Variants in SUMF1 observed in about 807,000 individuals in gnomAD.
SUMF1 encodes sulfatase modifying factor 1.
A neutral mutation model predicts 47.6 loss-of-function variants in SUMF1; 48 were observed. That is an observed-to-expected ratio of 1.01 (90% CI 0.80 to 1.28). The LOEUF (loss-of-function observed/expected upper bound fraction) is 1.28. SUMF1 is among the 50% of genes most tolerant of loss of function. The probability of loss-of-function intolerance (pLI) is 0.00; values close to 1 mark genes in which losing one functional copy is unlikely to be tolerated. For synonymous variants in SUMF1, 230 were observed against 192.1 expected (o/e 1.20, Z -1.63); for missense variants, 571 against 485.4 (o/e 1.18, Z -1.66).
intron 7 of SUMF1, among the ~76,000 whole-genome samples, chr3:4,404,109 C>T (rs550449502): frequency 7.2e-5 from 11 of 152,266 alleles, no homozygotes; most frequent in Non-Finnish European, 1.3e-4. Context: ...AATATCTGAA[C>T]CATACATTTG....
At chr3:4,196,824 C>A (rs956536618) in intron 8 of SUMF1, among the ~76,000 whole-genome samples, 1 of 152,124 alleles carries the variant, frequency 6.6e-6, no homozygotes, top group African/African-American at 2.4e-5. Flanking sequence ...TACTAGGGAA[C>A]CAGTGCCACT....
At chr3:4,115,882 G>T (rs917567836) in intron 8 of SUMF1, among the ~76,000 whole-genome samples, 6 of 151,938 alleles carry the variant, frequency 3.9e-5, no homozygotes, top group Non-Finnish European at 5.9e-5. Flanking sequence ...CTGCCATTTG[G>T]GCTGGCAGAT....
chr3:4,423,279 T>TACATACACACACAC (rs57526958), intron 3 of SUMF1, among the ~76,000 whole-genome samples: 33 of 147,224 alleles, frequency 2.2e-4, no homozygotes, highest in Middle Eastern at 3.5e-3. Context: ...GAAACTGTGA[T>TACATACACACACAC]ACACACACAC....
chr3:4,128,760 G>T (rs569385841), intron 8 of SUMF1, among the ~76,000 whole-genome samples: 1 of 152,230 alleles, frequency 6.6e-6, no homozygotes, highest in South Asian at 2.1e-4. Context: ...TGGAGAACGG[G>T]CATGGGAATG....
intron 8 of SUMF1, among the ~76,000 whole-genome samples, chr3:4,367,175 G>C (rs543307487): frequency 6.1e-4 from 93 of 152,302 alleles, no homozygotes; most frequent in Non-Finnish European, 1.2e-3. Context: ...AGGGGTCAGG[G>C]ACCCACTTGA....
At chr3:4,063,270 C>T (rs1695303443) in intron 9 of SUMF1, among the ~76,000 whole-genome samples, 1 of 152,086 alleles carries the variant, frequency 6.6e-6, no homozygotes. Context: ...ACCCAGACCA[C>T]TATAACTGAA....
intron 6 of SUMF1, among the ~76,000 whole-genome samples, chr3:4,411,666 C>A (rs1701545363): frequency 7.4e-6 from 1 of 134,830 alleles, no homozygotes; most frequent in Non-Finnish European, 1.6e-5. Flanking sequence ...AACACAGGAC[C>A]AAAGTGCAGA....
chr3:4,094,088 A>G (rs992187296), intron 8 of SUMF1, among the ~76,000 whole-genome samples: 5 of 152,134 alleles, frequency 3.3e-5, no homozygotes, highest in African/African-American at 9.7e-5. Flanking sequence ...TAAGAAAGAC[A>G]ATCAAAGTTG....
chr3:4,362,378 T>C (rs1169015281), intron 8 of SUMF1, 124 bp from the exon 9 acceptor site: 1 of 770,820 alleles, frequency 1.3e-6, no homozygotes, highest in Non-Finnish European at 2.3e-6. Flanking sequence ...GTATGGATAC[T>C]TAACATGTAT....
chr3:4,144,348 G>A (rs1694146365), intron 8 of SUMF1, among the ~76,000 whole-genome samples: 1 of 152,114 alleles, frequency 6.6e-6, no homozygotes, highest in Non-Finnish European at 1.5e-5. Context: ...AGAGGTGATA[G>A]AAATGTATGA....
chr3:4,172,007 T>A (rs932563912), intron 8 of SUMF1, among the ~76,000 whole-genome samples: 1 of 152,080 alleles, frequency 6.6e-6, no homozygotes, highest in African/African-American at 2.4e-5. Context: ...AAAGATCACA[T>A]TGAAGGCAAT....
chr3:4,065,054 C>A (rs1172681464), intron 9 of SUMF1, among the ~76,000 whole-genome samples: 1 of 152,152 alleles, frequency 6.6e-6, no homozygotes, highest in Admixed American at 6.5e-5. Flanking sequence ...GGCAAGTCCT[C>A]CTAGTAACTC....
chr3:4,245,220 C>A (rs1488958796), intron 8 of SUMF1, among the ~76,000 whole-genome samples: 3 of 151,548 alleles, frequency 2.0e-5, no homozygotes, highest in African/African-American at 7.3e-5. Flanking sequence ...TTATTACTGA[C>A]TTTCTGAAGC....
chr3:4,145,598 T>C (rs904859537), intron 8 of SUMF1, among the ~76,000 whole-genome samples: 6 of 152,152 alleles, frequency 3.9e-5, no homozygotes, highest in African/African-American at 1.4e-4. Context: ...CTGTGCATAA[T>C]GCAGGGTTGA....
chr3:4,278,127 A>G (rs1181797915), intron 8 of SUMF1, among the ~76,000 whole-genome samples: 1 of 152,060 alleles, frequency 6.6e-6, no homozygotes, highest in East Asian at 1.9e-4. Flanking sequence ...TATTTTCTTA[A>G]TATTTCAATA....
chr3:4,085,723 T>C (rs1043441152), intron 8 of SUMF1, among the ~76,000 whole-genome samples: 2 of 152,144 alleles, frequency 1.3e-5, no homozygotes, highest in African/African-American at 4.8e-5. Flanking sequence ...GTATTTTTTG[T>C]TCTACTTTGT....
chr3:4,249,762 G>C (rs1696751702), intron 8 of SUMF1, among the ~76,000 whole-genome samples: 1 of 152,192 alleles, frequency 6.6e-6, no homozygotes, highest in South Asian at 2.1e-4. Context: ...AAGGCACATT[G>C]AAAGTCAACA....
chr3:4,135,686 T>C (rs1019013787), intron 8 of SUMF1, among the ~76,000 whole-genome samples: 4 of 152,240 alleles, frequency 2.6e-5, no homozygotes, highest in African/African-American at 7.2e-5. Context: ...AGTCAAATTG[T>C]CCCTGTTGGC....
At chr3:4,363,052 AG>A (rs1331270014) in intron 8 of SUMF1, among the ~76,000 whole-genome samples, 1 of 152,254 alleles carries the variant, frequency 6.6e-6, no homozygotes, top group African/African-American at 2.4e-5. Context: ...TGTGCACAGT[AG>A]TTATCCCTCA....
Sources: gnomAD v4.1 joint callset for allele counts (sites outside exome capture counted in the v4.1 genomes callset) on GRCh38, gnomAD v4.1.1 for gene constraint, MANE v1.5 for transcripts, NCBI Gene and HGNC (gene_info 2026-07-23, HGNC 2026-07-21) for gene names.